SSH2: variants seen among roughly 807,000 people sequenced by gnomAD.
SSH2 encodes the protein slingshot protein phosphatase 2, also known as protein phosphatase Slingshot homolog 2.
A neutral mutation model predicts 135.2 loss-of-function variants in SSH2; 37 were observed. That is an observed-to-expected ratio of 0.27 (90% CI 0.21 to 0.36). The LOEUF (loss-of-function observed/expected upper bound fraction) is 0.36, where lower values mean the gene tolerates loss of function less well. Among genes scored for constraint, SSH2 ranks in the 10% least tolerant of loss-of-function variants. The probability of loss-of-function intolerance (pLI) is 1.00; values close to 1 mark genes in which losing one functional copy is unlikely to be tolerated. For missense variants in SSH2, 1,408 were observed against 1,765.3 expected (o/e 0.80, Z 3.63); for synonymous variants, 628 against 646.2 (o/e 0.97, Z 0.43).
intron 3 of SSH2, among the ~76,000 whole-genome samples, chr17:29,740,412 T>C (rs540471690): frequency 6.6e-6 from 1 of 151,466 alleles, no homozygotes; most frequent in South Asian, 2.1e-4. Flanking sequence ...AGAAACCTCC[T>C]TCCTGTCTAT....
chr17:29,898,272 T>A (rs1450827985), intron 1 of SSH2, among the ~76,000 whole-genome samples: 1 of 151,800 alleles, frequency 6.6e-6, no homozygotes, highest in Non-Finnish European at 1.5e-5. Flanking sequence ...AAGAAATAAC[T>A]AAGATCAGAG....
intron 3 of SSH2, among the ~76,000 whole-genome samples, chr17:29,790,451 G>A (rs1316668809): frequency 6.6e-6 from 1 of 152,164 alleles, no homozygotes; most frequent in Non-Finnish European, 1.5e-5. Flanking sequence ...ATAAATGTCT[G>A]TTGTTTCAGC....
chr17:29,718,732 C>CA (rs752148237), intron 3 of SSH2, among the ~76,000 whole-genome samples: 48,231 of 77,174 alleles, frequency 0.62, 15,962 homozygotes, highest in East Asian at 0.77. Flanking sequence ...GATTTCACCT[C>CA]AAAAAAAAAA....
chr17:29,663,264 T>C (rs958143651), intron 11 of SSH2, among the ~76,000 whole-genome samples: 3 of 152,230 alleles, frequency 2.0e-5, no homozygotes, highest in African/African-American at 7.2e-5. Context: ...CTGTTGCCTC[T>C]CTTTACTCAA....
intron 1 of SSH2, among the ~76,000 whole-genome samples, chr17:29,859,192 T>G (rs560580487): frequency 2.6e-5 from 4 of 152,322 alleles, no homozygotes; most frequent in Admixed American, 2.0e-4. Flanking sequence ...CTTTGGCTCA[T>G]GGCTCCCTTC....
chr17:29,784,213 C>T (rs1315311611), intron 3 of SSH2, among the ~76,000 whole-genome samples: 3 of 151,148 alleles, frequency 2.0e-5, no homozygotes, highest in African/African-American at 7.3e-5. Flanking sequence ...ATGGTTAAAC[C>T]CCATCTCTAC....
At chr17:29,877,368 C>T (rs1416806950) in intron 1 of SSH2, among the ~76,000 whole-genome samples, 2 of 152,276 alleles carry the variant, frequency 1.3e-5, no homozygotes, top group Non-Finnish European at 2.9e-5. Flanking sequence ...AATCCCACTG[C>T]TCAGTATATA....
intron 1 of SSH2, among the ~76,000 whole-genome samples, chr17:29,905,819 C>A (rs2066643824): frequency 6.6e-6 from 1 of 152,204 alleles, no homozygotes; most frequent in Admixed American, 6.5e-5. Flanking sequence ...CACTTCCTCA[C>A]CTCTGAGGCC....
intron 1 of SSH2, among the ~76,000 whole-genome samples, chr17:29,849,542 T>C (rs1395786349): frequency 1.3e-5 from 2 of 151,562 alleles, no homozygotes; most frequent in Non-Finnish European, 2.9e-5. Flanking sequence ...TCTGAACTCT[T>C]CTCAGACTGG....
intron 11 of SSH2, among the ~76,000 whole-genome samples, chr17:29,661,772 G>T (rs1469383413): frequency 6.6e-6 from 1 of 152,202 alleles, no homozygotes; most frequent in East Asian, 1.9e-4. Flanking sequence ...GATGGATAAA[G>T]TCCCTAGTTT....
intron 2 of SSH2, among the ~76,000 whole-genome samples, chr17:29,828,591 A>T (rs974246961): frequency 6.6e-6 from 1 of 152,244 alleles, no homozygotes; most frequent in African/African-American, 2.4e-5. Flanking sequence ...AGAAAATATT[A>T]AATCAGAAGA....
rs768942538 is a variant in SSH2 at position 29,631,761 on chromosome 17, C to T, written c.3433G>A (p.Val1145Ile). 2.3e-5 allele frequency: 37 copies of T among 1,614,068 alleles called. No homozygotes were observed. Among genetic ancestry groups the T allele is most frequent in the Non-Finnish European group, 3.0e-5 (35 of 1,180,048 alleles). Residue 1145 changes from valine (V) to isoleucine (I), a missense_variant, in exon 16 of 16, where the codon GTC becomes ATC. Val to Ile is a conservative substitution (Grantham distance 29). Coordinates refer to ENST00000540801, the MANE Select transcript of SSH2 (RefSeq NM_001282129.2). ...GACAGTAAATGGGTTGTATGACTGACAAAAGGTGCTGCTGTCTCCAGGGCT... is the reference window on the plus strand; with the variant it reads ...GACAGTAAATGGGTTGTATGACTGATAAAAGGTGCTGCTGTCTCCAGGGCT... ...STALETAAPFVSHTTHLLSAS... is the reference protein window; with the variant it reads ...STALETAAPFISHTTHLLSAS...
rs555094371 is a variant in SSH2, at chr17:29,654,077, C to A, written c.1079+1484G>T. On this transcript the variant is annotated intron_variant, in intron 12 of 15. Transcript: ENST00000540801. ...GCAAATGGCAGATACAGGATTAGAACTGAGGTCTCTGAATTCCCAACACAG... is the reference window on the plus strand; with the variant it reads ...GCAAATGGCAGATACAGGATTAGAAATGAGGTCTCTGAATTCCCAACACAG... 1.8e-4 allele frequency among the ~76,000 whole-genome samples: 27 copies of A among 152,294 alleles called. No homozygotes were observed. The East Asian group carries it at 5.0e-3, about 28-fold the overall frequency.
At chr17:29,784,598 CAA>C (rs59705618) in intron 3 of SSH2, among the ~76,000 whole-genome samples, 7,804 of 138,482 alleles carry the variant, frequency 0.056, 675 homozygotes, top group African/African-American at 0.19. Flanking sequence ...GACTCCTTCT[CAA>C]AAAAAAAAAA....
At chr17:29,661,145 G>C (rs1466332891) in intron 11 of SSH2, among the ~76,000 whole-genome samples, 1 of 151,428 alleles carries the variant, frequency 6.6e-6, no homozygotes, top group East Asian at 1.9e-4. Flanking sequence ...ATAGCACTTG[G>C]GCCTCTGCCC....
Position 29,631,500 on chromosome 17 carries a change from G to T in SSH2, c.3694C>A (p.Pro1232Thr), listed in dbSNP as rs2035670424. 1 of 1,613,928 alleles carries T rather than the reference G, an allele frequency of 6.2e-7. No individual in the cohort carries two copies. The highest frequency in any genetic ancestry group is 8.5e-7 in the Non-Finnish European group (1 of 1,180,012). The part of the protein sequence containing the change: ...NTGELQEKMD[P>T]LPVACRLPHS... ...GGGAGTCGACAGGCTACAGGCAATG[G>T]GTCCATTTTCTCCTGTAACTCCCCA... The change falls in exon 16 of 16, where the codon CCA (proline) becomes ACA (threonine). Residue 1232 changes from proline (P) to threonine (T), a missense_variant. This residue lies in a region of SSH2 where 1,080 missense variants were observed against 1,144.5 expected (regional missense o/e 0.94). Coordinates refer to ENST00000540801, the MANE Select transcript of SSH2 (RefSeq NM_001282129.2).
chr17:29,642,083 C>A (rs575877811), intron 14 of SSH2, among the ~76,000 whole-genome samples: 1 of 152,020 alleles, frequency 6.6e-6, no homozygotes, highest in African/African-American at 2.4e-5. Context: ...TGTGCATCGC[C>A]CAAGATGCTT....
At chr17:29,856,347 C>T in intron 1 of SSH2, 1 of 216,276 alleles carries the variant, frequency 4.6e-6, no homozygotes. Flanking sequence ...TAAGAGTTGT[C>T]CAGCTACAGC....
intron 4 of SSH2, among the ~76,000 whole-genome samples, chr17:29,696,172 T>TACAC (rs1202149185): frequency 1.8e-4 from 21 of 116,634 alleles, no homozygotes; most frequent in Admixed American, 5.4e-4. Context: ...TATGTATATA[T>TACAC]ATACACACAC....
Sources: gnomAD v4.1 joint callset for allele counts (sites outside exome capture counted in the v4.1 genomes callset) on GRCh38, gnomAD v4.1.1 for gene constraint, gnomAD v4.1.1 regional missense constraint, MANE v1.5 for transcripts, NCBI Gene and HGNC (gene_info 2026-07-23, HGNC 2026-07-21) for gene names.